The following KCNH6 variants were observed in gnomAD, a reference collection of about 807,000 sequenced individuals.
The protein encoded by KCNH6 is voltage-gated inwardly rectifying potassium channel KCNH6.
Under a neutral mutation model 83.4 loss-of-function variants are expected in KCNH6, and 81 were observed. The observed-to-expected ratio is 0.97, with a 90% CI of 0.81 to 1.17. The LOEUF is 1.17. Ranked by LOEUF, KCNH6 falls within the 50% of genes most tolerant of loss-of-function variation. The pLI is 0.00. For synonymous variants in KCNH6, 503 were observed against 545.6 expected, an observed-to-expected ratio of 0.92 and a Z score of 1.09; for missense variants, 1,203 against 1,290.5, an observed-to-expected ratio of 0.93 and a Z score of 1.04.
At chr17:63,530,052 T>A (rs753648101) in intron 2 of KCNH6, 39 bp from the exon 3 acceptor site, 1 of 1,606,820 alleles carries the variant, frequency 6.2e-7, no homozygotes, top group Non-Finnish European at 8.5e-7. Context: ...AGGGGACCCC[T>A]TCAGGGCCCA....
chr17:63,531,622 G>A (rs772697181), intron 4 of KCNH6, among the ~76,000 whole-genome samples: 2 of 152,260 alleles, frequency 1.3e-5, no homozygotes, highest in Admixed American at 6.5e-5. Context: ...TCCTGAGGAG[G>A]GTGGGACGCC....
chr17:63,541,632 A>G lies in KCNH6; in HGVS notation c.1955-609A>G, dbSNP rs113981651. 5.2e-3 allele frequency among the ~76,000 whole-genome samples: 787 copies of G among 152,202 alleles called. 8 individuals carry two copies. The highest frequency in any genetic ancestry group is 0.018 in the African/African-American group (757 of 41,550). The stretch of plus-strand genomic sequence containing the variant: ...GAGTCACTTTCTCAAGCATCACCTC[A>G]TCTGCTTCCCTGAACAGTCCAGTGG... On this transcript the variant is annotated intron_variant, in intron 8 of 12. Transcript: ENST00000314672.
rs1484375593 is a variant in KCNH6 at position 63,538,650 on chromosome 17, G to A, written c.1942G>A (p.Val648Met). Residue 648 changes from valine to methionine, a missense_variant, in exon 8 of 13, where the codon GTG (valine) becomes ATG (methionine). By Grantham distance (21) the Val-to-Met change is conservative (BLOSUM62 1). Coordinates refer to ENST00000314672, the MANE Select transcript of KCNH6 (RefSeq NM_001278919.2). The surrounding 1 kb of genome is among the most constrained non-coding windows in gnomAD (Gnocchi z 4.0). ...SIEILRDDVVVAILGKNDIFG... is the reference protein window; with the variant it reads ...SIEILRDDVVMAILGKNDIFG... ...CGAGATCCTGCGCGACGACGTGGTCGTGGCCATCCTAGGTGGGTCCGGCGG... is the reference window on the plus strand; with the variant it reads ...CGAGATCCTGCGCGACGACGTGGTCATGGCCATCCTAGGTGGGTCCGGCGG... 4 of 1,593,060 alleles carry A rather than the reference G, an allele frequency of 2.5e-6. No individual in the cohort carries two copies. The African/African-American group carries it at 4.0e-5, about 16-fold the overall frequency.
chr17:63,539,548 A>G (rs985673102), intron 8 of KCNH6, among the ~76,000 whole-genome samples: 3 of 152,206 alleles, frequency 2.0e-5, no homozygotes, highest in African/African-American at 7.2e-5. Context: ...AACTCAATGT[A>G]TCCCAACCTG....
Position 63,530,201 on chromosome 17 carries a change from A to G in KCNH6, c.418A>G (p.Ser140Gly). The change falls in exon 3 of 13, where the codon AGC (serine) becomes GGC (glycine). Residue 140 changes from serine (S) to glycine (G), a missense_variant. By Grantham distance (56) the Ser-to-Gly change is moderately conservative. Transcript: ENST00000314672. ...EDLAQLLAKC[S>G]SRSLSQRLLS... is the part of the protein sequence containing the mutation. ...CCTGGCCCAGCTCCTGGCCAAGTGC[A>G]GCAGCCGCAGCTTGTCCCAGCGCCT... 1 of 1,614,142 alleles carries G rather than the reference A, an allele frequency of 6.2e-7. No individual in the cohort carries two copies. The highest frequency in any genetic ancestry group is 1.3e-5 in the African/African-American group (1 of 75,066).
intron 8 of KCNH6, among the ~76,000 whole-genome samples, chr17:63,540,877 ATGC>A (rs1436986789): frequency 6.6e-6 from 1 of 152,182 alleles, no homozygotes; most frequent in African/African-American, 2.4e-5. Flanking sequence ...TGCTGATCAC[ATGC>A]TGTTTCTTCT....
At position 63,542,383 on chromosome 17, in the gene KCNH6, C is replaced by T; in HGVS notation, c.2097C>T (p.Ala699=). ...TGGAGGTGCTGGACATGTACCCGGCCTTTGCGGAGAGCTTCTGGAGTAAGC... is the reference window on the plus strand; with the variant it reads ...TGGAGGTGCTGGACATGTACCCGGCTTTTGCGGAGAGCTTCTGGAGTAAGC... ...DLLEVLDMYP[A]FAESFWSKLE... Residue 699 remains alanine, a synonymous_variant, in exon 9 of 13, where the codon GCC becomes GCT. Transcript: ENST00000314672. The T allele has an allele frequency of 6.2e-7, 1 of 1,614,186 alleles. No homozygotes were observed. Among genetic ancestry groups the T allele is most frequent in the Non-Finnish European group, 8.5e-7 (1 of 1,180,044 alleles).
intron 2 of KCNH6, among the ~76,000 whole-genome samples, chr17:63,528,281 C>CT (rs1449748745): frequency 6.6e-6 from 1 of 152,176 alleles, no homozygotes; most frequent in East Asian, 1.9e-4. Flanking sequence ...GAGTCTGGGC[C>CT]TATAGCACTA....
intron 10 of KCNH6, 133 bp from the exon 11 acceptor site, chr17:63,544,116 C>G: frequency 6.2e-7 from 1 of 1,607,522 alleles, no homozygotes; most frequent in Non-Finnish European, 8.5e-7. Context: ...TCCAGGGCAC[C>G]CAGGTAAGGA....
At chr17:63,529,210 TACG>T (rs2031920421) in intron 2 of KCNH6, among the ~76,000 whole-genome samples, 1 of 152,208 alleles carries the variant, frequency 6.6e-6, no homozygotes. Context: ...GGGCAGAGTC[TACG>T]ACCTGAGAGG....
Position 63,534,383 on chromosome 17 carries a change from A to G in KCNH6, c.1101+72A>G. Reference sequence around the variant, plus strand: ...GCTGGCCTCAAGCCCTCCCTGCTGCACAGCACTGGGTGCGGAGAGTATCTG... The same window carrying G: ...GCTGGCCTCAAGCCCTCCCTGCTGCGCAGCACTGGGTGCGGAGAGTATCTG... On this transcript the variant is annotated intron_variant, in intron 5 of 12. Transcript: ENST00000314672. The surrounding 1 kb of genome is among the most constrained non-coding windows in gnomAD (Gnocchi z 5.0). 4 of 1,434,334 alleles carry G rather than the reference A, an allele frequency of 2.8e-6. No individual in the cohort carries two copies. In the Admixed American group the frequency reaches 7.5e-5, roughly 27 times the overall value. The allele number at this position is 1,434,334 out of a possible 1,614,324, so 88.9% of individuals were successfully genotyped here. A position where few individuals can be genotyped will look rare whatever the true frequency, so the allele number is the denominator to read the frequency against.
chr17:63,544,687 A>G (rs916032987), intron 11 of KCNH6, among the ~76,000 whole-genome samples: 3 of 152,132 alleles, frequency 2.0e-5, no homozygotes, highest in Non-Finnish European at 4.4e-5. Flanking sequence ...TGGCAGGGCT[A>G]TGGTGGCAGA....
chr17:63,544,672 G>A (rs1235736761), intron 11 of KCNH6, among the ~76,000 whole-genome samples: 2 of 152,184 alleles, frequency 1.3e-5, no homozygotes, highest in Admixed American at 6.5e-5. Context: ...AGTGTGTCCT[G>A]TGGATGGCAG....
At position 63,538,671 on chromosome 17, in the gene KCNH6, G is replaced by A; in HGVS notation, c.1954+9G>A. Reference sequence around the variant, plus strand: ...GGTCGTGGCCATCCTAGGTGGGTCCGGCGGAGTGGACCAGGCCTGTGTTGG... The same window carrying A: ...GGTCGTGGCCATCCTAGGTGGGTCCAGCGGAGTGGACCAGGCCTGTGTTGG... On this transcript the variant is annotated intron_variant, in intron 8 of 12. Coordinates refer to ENST00000314672, the MANE Select transcript of KCNH6 (RefSeq NM_001278919.2). The surrounding 1 kb of genome is among the most constrained non-coding windows in gnomAD (Gnocchi z 4.0). 2.5e-6 allele frequency: 4 copies of A among 1,571,250 alleles called. No individual in the cohort carries two copies. Among genetic ancestry groups the A allele is most frequent in the Non-Finnish European group, 3.5e-6 (4 of 1,154,626 alleles).
chr17:63,544,583 C>A (rs568590202), intron 11 of KCNH6, among the ~76,000 whole-genome samples, 172 bp downstream of exon 11: 1 of 152,180 alleles, frequency 6.6e-6, no homozygotes, highest in African/African-American at 2.4e-5. Context: ...CTAGCAAACT[C>A]TGGAACATGC....
In KCNH6 at chr17:63,523,393, G is replaced by A. The variant is rs12937531; in HGVS notation, c.-21G>A. ...GGAGCCAGTGGCGCCTGTGGCTCCG[G>A]GCAGGGGCCGCGGCCGAAAGATGCC... On this transcript the variant is annotated 5_prime_UTR_variant, in exon 1 of 13. Coordinates refer to ENST00000314672, the MANE Select transcript of KCNH6 (RefSeq NM_001278919.2). This position sits in a 1 kb window ranked among gnomAD's most constrained non-coding sequence, Gnocchi z 4.2. 6.3e-7 allele frequency: 1 copy of A among 1,583,988 alleles called. No homozygotes were observed. Among genetic ancestry groups the A allele is most frequent in the Admixed American group, 1.7e-5 (1 of 57,672 alleles).
chr17:63,543,550 T>C, intron 9 of KCNH6, 26 bp from the exon 10 acceptor site: 2 of 1,513,426 alleles, frequency 1.3e-6, no homozygotes, highest in Non-Finnish European at 1.8e-6. Flanking sequence ...TGGTTCCTGT[T>C]ATTTCACCCT....
chr17:63,548,542 A>C (rs899280451), downstream of KCNH6, among the ~76,000 whole-genome samples: 1 of 152,214 alleles, frequency 6.6e-6, no homozygotes, highest in Non-Finnish European at 1.5e-5. Context: ...TAATTTTTGT[A>C]ACCTTAATAA....
At chr17:63,547,275 T>TAATCCCAG (rs959728679), downstream of KCNH6, among the ~76,000 whole-genome samples, 6 of 152,160 alleles carry the variant, frequency 3.9e-5, no homozygotes, top group Non-Finnish European at 5.9e-5. Flanking sequence ...CTCATGCCTG[T>TAATCCCAG]AATCCCAGGG....
Sources: gnomAD v4.1 joint callset for allele counts (sites outside exome capture counted in the v4.1 genomes callset) on GRCh38, gnomAD v4.1.1 for gene constraint, Gnocchi (gnomAD v3.1) non-coding constraint, MANE v1.5 for transcripts, NCBI Gene and HGNC (gene_info 2026-07-23, HGNC 2026-07-21) for gene names.